The following CNTN4 variants were observed in gnomAD, a reference collection of about 807,000 sequenced individuals.
The protein encoded by CNTN4 is contactin-4.
In CNTN4, 77 loss-of-function variants were observed where a neutral mutation model predicts 122.5. The ratio of observed to expected loss-of-function variants is 0.63; its 90% CI spans 0.52 to 0.76. The LOEUF (loss-of-function observed/expected upper bound fraction) is 0.76, where lower values mean the gene tolerates loss of function less well. Among genes scored for constraint, CNTN4 ranks in the 30% least tolerant of loss-of-function variants. The probability of loss-of-function intolerance (pLI) is 0.00; values close to 1 mark genes in which losing one functional copy is unlikely to be tolerated. For missense variants in CNTN4, 1,256 were observed against 1,259.1 expected, an observed-to-expected ratio of 1.00 and a Z score of 0.04; for synonymous variants, 512 against 447.0, an observed-to-expected ratio of 1.15 and a Z score of -1.83.
chr3:2,934,846 G>T (rs1266163358), intron 13 of CNTN4, among the ~76,000 whole-genome samples: 1 of 152,246 alleles, frequency 6.6e-6, no homozygotes, highest in Non-Finnish European at 1.5e-5. Flanking sequence ...GTTAGAATCT[G>T]CTGCCCTGCT....
In CNTN4 at chr3:2,335,346, A is replaced by G. The variant is rs1575402834; in HGVS notation, c.-144-3832A>G. Among the ~76,000 whole-genome samples the G allele has an allele frequency of 2.0e-5, 3 of 152,118 alleles. No homozygotes were observed. In the East Asian group the frequency reaches 5.8e-4, roughly 29 times the overall value. ...TAGCATTTATTTTCTGCATAGTATG[A>G]ACTGGGCAGTGTTCTCATGGATTAC... On this transcript the variant is annotated intron_variant, in intron 2 of 24. Coordinates refer to ENST00000418658, the MANE Select transcript of CNTN4 (RefSeq NM_175607.3).
intron 3 of CNTN4, among the ~76,000 whole-genome samples, chr3:2,372,853 G>A (rs1177787503): frequency 6.6e-6 from 1 of 152,030 alleles, no homozygotes; most frequent in East Asian, 1.9e-4. Context: ...TTTGAGACCA[G>A]CCTGGCCAAC....
chr3:2,951,690 G>A (rs2094747128), intron 13 of CNTN4, among the ~76,000 whole-genome samples: 1 of 152,200 alleles, frequency 6.6e-6, no homozygotes, highest in Admixed American at 6.5e-5. Context: ...TCGTTCATAT[G>A]TGTATATCAG....
At chr3:2,329,119 A>G (rs1213573920) in intron 2 of CNTN4, among the ~76,000 whole-genome samples, 1 of 152,216 alleles carries the variant, frequency 6.6e-6, no homozygotes, top group Admixed American at 6.5e-5. Flanking sequence ...ATTTGCAAAT[A>G]TTTACAAGCG....
chr3:2,822,759 C>T (rs2092904704), intron 7 of CNTN4, among the ~76,000 whole-genome samples: 1 of 152,132 alleles, frequency 6.6e-6, no homozygotes, highest in Admixed American at 6.5e-5. Flanking sequence ...CCCTTTCCCA[C>T]AGAGAAATAG....
chr3:2,941,019 G>T (rs945547612), intron 13 of CNTN4, among the ~76,000 whole-genome samples: 1 of 152,192 alleles, frequency 6.6e-6, no homozygotes, highest in Non-Finnish European at 1.5e-5. Context: ...GCATAAAATT[G>T]TTATAGAAAA....
intron 4 of CNTN4, among the ~76,000 whole-genome samples, chr3:2,652,409 A>T (rs2083403101): frequency 6.6e-6 from 1 of 152,196 alleles, no homozygotes; most frequent in Admixed American, 6.5e-5. Context: ...ATCCTTATGG[A>T]TCTGCTAATC....
chr3:2,498,485 G>T (rs765401828), intron 3 of CNTN4, among the ~76,000 whole-genome samples: 1 of 146,470 alleles, frequency 6.8e-6, no homozygotes, highest in Non-Finnish European at 1.5e-5. Context: ...TGTTGTCGTT[G>T]TTGTTGTTGG....
chr3:2,429,116 T>G (rs2047958637), intron 3 of CNTN4, among the ~76,000 whole-genome samples: 1 of 152,222 alleles, frequency 6.6e-6, no homozygotes, highest in Non-Finnish European at 1.5e-5. Flanking sequence ...TTTGTTCCAT[T>G]GCTGGCGAGG....
chr3:2,527,840 G>A (rs922198170), intron 3 of CNTN4, among the ~76,000 whole-genome samples: 2 of 151,976 alleles, frequency 1.3e-5, no homozygotes, highest in African/African-American at 2.4e-5. Flanking sequence ...CCCCACAGTT[G>A]GATACTTGAT....
intron 6 of CNTN4, among the ~76,000 whole-genome samples, chr3:2,783,820 C>T (rs1459407432): frequency 6.6e-6 from 1 of 152,180 alleles, no homozygotes; most frequent in Non-Finnish European, 1.5e-5. Context: ...GCTGCTGTTC[C>T]TAATCCACCA....
At chr3:2,252,458 T>C (rs924276037) in intron 2 of CNTN4, among the ~76,000 whole-genome samples, 33 of 152,066 alleles carry the variant, frequency 2.2e-4, no homozygotes, top group African/African-American at 7.2e-4. Context: ...CTTAGTCTTC[T>C]CTGTCACTGT....
intron 13 of CNTN4, among the ~76,000 whole-genome samples, chr3:2,932,395 T>TA (rs1161348177): frequency 6.6e-6 from 1 of 151,908 alleles, no homozygotes; most frequent in Non-Finnish European, 1.5e-5. Context: ...AAATAAAAAA[T>TA]AAAAAATAAG....
At chr3:2,991,728 C>T (rs758966906) in intron 14 of CNTN4, among the ~76,000 whole-genome samples, 1 of 152,254 alleles carries the variant, frequency 6.6e-6, no homozygotes, top group African/African-American at 2.4e-5. Context: ...TTCTGAACTC[C>T]GCATGAACTG....
At position 2,453,061 on chromosome 3, in the gene CNTN4, C is replaced by T. The variant is rs116128357; in HGVS notation, c.-89+113828C>T. On this transcript the variant is annotated intron_variant, in intron 3 of 24. Coordinates refer to ENST00000418658, the MANE Select transcript of CNTN4 (RefSeq NM_175607.3). ...TGAAATAAAATGATATACACTGAAG[C>T]AGTGTTAACAGATTGTAAGATTTGA... Among the ~76,000 whole-genome samples the T allele has an allele frequency of 6.0e-3, 917 of 152,030 alleles. 9 individuals carry two copies. The highest frequency in any genetic ancestry group is 0.021 in the African/African-American group (875 of 41,456).
Position 2,866,738 on chromosome 3 carries a change from T to G in CNTN4, c.455-14T>G, listed in dbSNP as rs2093728262. On this transcript the variant is annotated splice_polypyrimidine_tract_variant and intron_variant, in intron 7 of 24. Coordinates refer to ENST00000418658, the MANE Select transcript of CNTN4 (RefSeq NM_175607.3). ...CAAAAGACATATTTGTAATGAAGATTTTTTTCCTTTCAGAGCTGAGTTATG... is the reference window on the plus strand; with the variant it reads ...CAAAAGACATATTTGTAATGAAGATGTTTTTCCTTTCAGAGCTGAGTTATG... The G allele has an allele frequency of 3.1e-6, 5 of 1,611,328 alleles. No individual in the cohort carries two copies. The highest frequency in any genetic ancestry group is 1.3e-5 in the African/African-American group (1 of 74,974).
chr3:2,616,760 C>A (rs138136384), intron 4 of CNTN4, among the ~76,000 whole-genome samples: 1 of 152,216 alleles, frequency 6.6e-6, no homozygotes, highest in South Asian at 2.1e-4. Context: ...GCTACAGTAA[C>A]GAAAACAGCA....
At chr3:2,610,955 T>G (rs1399000023) in intron 4 of CNTN4, among the ~76,000 whole-genome samples, 1 of 152,078 alleles carries the variant, frequency 6.6e-6, no homozygotes, top group Non-Finnish European at 1.5e-5. Flanking sequence ...TAAAGATAAG[T>G]AAATAATTTT....
At chr3:2,527,836 A>G (rs1303629098) in intron 3 of CNTN4, among the ~76,000 whole-genome samples, 13 of 152,102 alleles carry the variant, frequency 8.5e-5, no homozygotes, top group East Asian at 5.8e-4. Flanking sequence ...CATCCCCCAC[A>G]GTTGGATACT....
Sources: allele counts gnomAD v4.1 joint callset (sites outside exome capture counted in the v4.1 genomes callset), GRCh38; gene constraint gnomAD v4.1.1; transcripts MANE v1.5; gene names NCBI Gene and HGNC (gene_info 2026-07-23, HGNC 2026-07-21).